The following EXOC4 variants were observed in gnomAD, a reference collection of about 807,000 sequenced individuals.
EXOC4 encodes exocyst complex component 4.
In EXOC4, 71 loss-of-function variants were observed where a neutral mutation model predicts 107.2. That is an observed-to-expected ratio of 0.66 (90% CI 0.55 to 0.81). The LOEUF is 0.81. EXOC4 is among the 30% of genes least tolerant of loss of function. The pLI is 0.00. For missense variants in EXOC4, 1,108 were observed against 1,189.6 expected (o/e 0.93, Z 1.01); for synonymous variants, 456 against 441.2 (o/e 1.03, Z -0.42).
At chr7:134,050,931 T>C (rs1376450253) in intron 17 of EXOC4, among the ~76,000 whole-genome samples, 1 of 152,108 alleles carries the variant, frequency 6.6e-6, no homozygotes, top group Non-Finnish European at 1.5e-5. Context: ...GAGGCAACTG[T>C]AACAATCCAA....
At chr7:133,748,022 G>C (rs1454130108) in intron 10 of EXOC4, among the ~76,000 whole-genome samples, 1 of 152,122 alleles carries the variant, frequency 6.6e-6, no homozygotes, top group Non-Finnish European at 1.5e-5. Flanking sequence ...AATCTAAACA[G>C]TCACAAAGAC....
At chr7:133,592,777 A>AT (rs1294767297) in intron 9 of EXOC4, among the ~76,000 whole-genome samples, 1 of 152,042 alleles carries the variant, frequency 6.6e-6, no homozygotes, top group Non-Finnish European at 1.5e-5. Flanking sequence ...TAATTTTTGT[A>AT]TTTTTATTAG....
At chr7:133,413,461 C>G (rs1159929550) in intron 7 of EXOC4, among the ~76,000 whole-genome samples, 1 of 152,088 alleles carries the variant, frequency 6.6e-6, no homozygotes, top group Non-Finnish European at 1.5e-5. Flanking sequence ...GTAGCTGAAT[C>G]CCCTTTCATA....
At chr7:133,354,275 T>A (rs775256719) in intron 5 of EXOC4, among the ~76,000 whole-genome samples, 1 of 152,128 alleles carries the variant, frequency 6.6e-6, no homozygotes. Context: ...GAAATCACAT[T>A]CTCCCTCTTT....
intron 7 of EXOC4, among the ~76,000 whole-genome samples, chr7:133,445,425 G>A (rs962753399): frequency 3.9e-5 from 6 of 152,054 alleles, no homozygotes; most frequent in African/African-American, 1.4e-4. Context: ...TGACTCTGAC[G>A]GGAAAACACA....
chr7:133,353,939 T>C (rs186187110), intron 5 of EXOC4, among the ~76,000 whole-genome samples: 2 of 152,214 alleles, frequency 1.3e-5, no homozygotes, highest in East Asian at 1.9e-4. Context: ...AGTATACTTT[T>C]CAGCTCAAGA....
chr7:133,563,053 G>C (rs1346318346), intron 9 of EXOC4, among the ~76,000 whole-genome samples: 3 of 152,134 alleles, frequency 2.0e-5, no homozygotes, highest in African/African-American at 7.2e-5. Flanking sequence ...TTCAGGCCAA[G>C]GAGCACTATT....
At chr7:133,678,321 A>G (rs1251552853) in intron 10 of EXOC4, among the ~76,000 whole-genome samples, 4 of 152,118 alleles carry the variant, frequency 2.6e-5, no homozygotes, top group Non-Finnish European at 4.4e-5. Context: ...ATAATTCTCA[A>G]TTTCCCACTT....
chr7:134,005,898 C>G (rs1028474341), intron 16 of EXOC4, among the ~76,000 whole-genome samples: 1 of 152,110 alleles, frequency 6.6e-6, no homozygotes, highest in Non-Finnish European at 1.5e-5. Context: ...CAAATTTGGG[C>G]CCCCCAAAAT....
chr7:133,369,761 C>T lies in EXOC4; in HGVS notation c.1008-5067C>T, dbSNP rs146877376. 2.6e-4 allele frequency among the ~76,000 whole-genome samples: 40 copies of T among 151,498 alleles called. No individual in the cohort carries two copies. In the East Asian group the frequency reaches 7.4e-3, roughly 28 times the overall value. On this transcript the variant is annotated intron_variant, in intron 6 of 17. Coordinates refer to ENST00000253861, the MANE Select transcript of EXOC4 (RefSeq NM_021807.4). ...ATATAACACCTTAAACTTAACATATCCAGATAAAAACCCAGCATCTCTCCT... is the reference window on the plus strand; with the variant it reads ...ATATAACACCTTAAACTTAACATATTCAGATAAAAACCCAGCATCTCTCCT...
intron 9 of EXOC4, among the ~76,000 whole-genome samples, chr7:133,485,587 T>C (rs778441915): frequency 3.7e-4 from 57 of 152,232 alleles, no homozygotes; most frequent in Admixed American, 7.2e-4. Context: ...TTTAAAAAAA[T>C]TTTCTCATTG....
chr7:134,077,874 A>G, the EXOC4 span, among the ~76,000 whole-genome samples: 1 of 152,218 alleles, frequency 6.6e-6, no homozygotes, highest in Admixed American at 6.5e-5. Context: ...AAAACAGAAT[A>G]CTTGAAGTCA....
chr7:133,342,396 A>G (rs1377912333), intron 5 of EXOC4, among the ~76,000 whole-genome samples: 1 of 152,220 alleles, frequency 6.6e-6, no homozygotes, highest in Non-Finnish European at 1.5e-5. Context: ...GTTTCTGTTT[A>G]GAAATCTCCT....
At chr7:133,633,753 AG>A (rs1241138170) in intron 10 of EXOC4, among the ~76,000 whole-genome samples, 4 of 152,128 alleles carry the variant, frequency 2.6e-5, no homozygotes, top group Non-Finnish European at 1.5e-5. Context: ...ACTTATCACA[AG>A]TTGACTTTTA....
intron 11 of EXOC4, among the ~76,000 whole-genome samples, chr7:133,869,973 A>G (rs752481728): frequency 1.3e-5 from 2 of 152,238 alleles, no homozygotes; most frequent in African/African-American, 2.4e-5. Context: ...TTATATGTTC[A>G]AATGTCAATT....
At chr7:133,617,669 A>G (rs1034118434) in intron 9 of EXOC4, among the ~76,000 whole-genome samples, 1 of 152,130 alleles carries the variant, frequency 6.6e-6, no homozygotes, top group Non-Finnish European at 1.5e-5. Context: ...TGGATCATCT[A>G]AAAATATCAT....
intron 10 of EXOC4, among the ~76,000 whole-genome samples, chr7:133,774,925 G>A (rs964038280): frequency 2.9e-4 from 43 of 150,370 alleles, no homozygotes; most frequent in African/African-American, 1.0e-3. Flanking sequence ...TTTATTAGTT[G>A]AATAAATAAG....
At chr7:133,484,083 T>A in intron 9 of EXOC4, 1 of 1,613,722 alleles carries the variant, frequency 6.2e-7, no homozygotes, top group Non-Finnish European at 8.5e-7. Flanking sequence ...CAAAGTAACA[T>A]TAAAAAGCTC....
intron 13 of EXOC4, among the ~76,000 whole-genome samples, chr7:133,920,362 G>A: frequency 6.6e-6 from 1 of 152,180 alleles, no homozygotes; most frequent in East Asian, 1.9e-4. Context: ...GTCTTTTGCA[G>A]AGAAGTTTTA....
Sources: gnomAD v4.1 joint callset for allele counts (sites outside exome capture counted in the v4.1 genomes callset) on GRCh38, gnomAD v4.1.1 for gene constraint, MANE v1.5 for transcripts, NCBI Gene and HGNC (gene_info 2026-07-23, HGNC 2026-07-21) for gene names.